SNED1: variants seen among roughly 807,000 people sequenced by gnomAD.
SNED1 encodes sushi, nidogen and EGF-like domain-containing protein 1.
In SNED1, 81 loss-of-function variants were observed where a neutral mutation model predicts 166.7. That is an observed-to-expected ratio of 0.49 (90% CI 0.41 to 0.58). The LOEUF (loss-of-function observed/expected upper bound fraction) is 0.58. Among genes scored for constraint, SNED1 ranks in the 20% least tolerant of loss-of-function variants. SNED1 has a pLI of 0.00. For missense variants in SNED1, 1,604 were observed against 2,000.2 expected (o/e 0.80, Z 3.78); for synonymous variants, 762 against 822.0 (o/e 0.93, Z 1.25).
intron 16 of SNED1, among the ~76,000 whole-genome samples, chr2:241,060,926 T>C (rs1238699908): frequency 6.6e-6 from 1 of 150,642 alleles, no homozygotes; most frequent in East Asian, 2.0e-4. Flanking sequence ...TGAGACCCTG[T>C]CTCAAAAAAA....
intron 27 of SNED1, among the ~76,000 whole-genome samples, chr2:241,078,139 C>CTT (rs1352374274): frequency 6.6e-6 from 1 of 152,090 alleles, no homozygotes; most frequent in Non-Finnish European, 1.5e-5. Context: ...AATCCCAGCA[C>CTT]TTTGGGAGGC....
rs1277954907 is a variant in SNED1, at chr2:241,028,985, A to C, written c.214-1299A>C. On this transcript the variant is annotated intron_variant, in intron 1 of 31. Coordinates refer to ENST00000310397, the MANE Select transcript of SNED1 (RefSeq NM_001080437.3). ...CTAAGATGATGCCATCTTCCTCCAG[A>C]GAGGGTTTTCCTTTGCCTCTGTGTA... Among the ~76,000 whole-genome samples, 3 of 152,146 alleles carry C rather than the reference A, an allele frequency of 2.0e-5. No individual in the cohort carries two copies. In the East Asian group the frequency reaches 5.8e-4, roughly 29 times the overall value.
intron 6 of SNED1, among the ~76,000 whole-genome samples, chr2:241,038,044 T>G (rs750867524): frequency 2.0e-5 from 3 of 150,746 alleles, no homozygotes. Flanking sequence ...CCCATGCCCT[T>G]CACCCACCTG....
chr2:241,053,267 C>A lies in SNED1; in HGVS notation c.2198C>A (p.Pro733His). The change falls in exon 16 of 32, where the codon CCC becomes CAC. Residue 733 changes from proline to histidine, a missense_variant. Transcript: ENST00000310397. ...ACDRGYSLSA[P>H]SRIRVCQPHG... ...GACCGTGGCTACAGCCTGAGCGCCC[C>A]CAGCCGCATCCGGGTCTGCCAGCCA... 1 of 1,603,558 alleles carries A rather than the reference C, an allele frequency of 6.2e-7. No homozygotes were observed.
intron 1 of SNED1, among the ~76,000 whole-genome samples, chr2:241,022,744 G>A (rs888331064): frequency 2.6e-5 from 4 of 152,146 alleles, no homozygotes; most frequent in Non-Finnish European, 5.9e-5. Context: ...TCATTATTCT[G>A]TCATGCTAAC....
chr2:241,069,801 T>C lies in SNED1; in HGVS notation c.3308-119T>C. The C allele has an allele frequency of 9.3e-6, 11 of 1,182,178 alleles. No individual in the cohort carries two copies. The highest frequency in any genetic ancestry group is 1.3e-5 in the Non-Finnish European group (11 of 839,840). The allele number at this position is 1,182,178 out of a possible 1,614,324, so 73.2% of individuals were successfully genotyped here. A position where few individuals can be genotyped will look rare whatever the true frequency, so the allele number is the denominator to read the frequency against. On this transcript the variant is annotated intron_variant, in intron 23 of 31. Coordinates refer to ENST00000310397, the MANE Select transcript of SNED1 (RefSeq NM_001080437.3). The surrounding 1 kb of genome is among the most constrained non-coding windows in gnomAD (Gnocchi z 4.9). ...CGCCTCGGCACTGTACCATTCTCCATAATAAAGAATCTGGCTTCCAGCAAG... is the reference window on the plus strand; with the variant it reads ...CGCCTCGGCACTGTACCATTCTCCACAATAAAGAATCTGGCTTCCAGCAAG...
At chr2:241,020,474 A>ACTGGAC (rs1320625708) in intron 1 of SNED1, among the ~76,000 whole-genome samples, 1 of 152,220 alleles carries the variant, frequency 6.6e-6, no homozygotes, top group African/African-American at 2.4e-5. Flanking sequence ...CACGTCAGGC[A>ACTGGAC]CTGGACCGGA....
intron 31 of SNED1, chr2:241,090,577 T>G: frequency 9.3e-7 from 1 of 1,072,164 alleles, no homozygotes; most frequent in South Asian, 2.8e-5. Context: ...AGTAGGTTTG[T>G]ATACACCAGC....
rs6708514 is a variant in SNED1, at chr2:241,082,463, C to T, written c.4121+99C>T. Reference sequence around the variant, plus strand: ...CTACCCAGCTAACCCTGAGGAGGGACGATGGCTGCAGTCACAGAAGGGACT... The same window carrying T: ...CTACCCAGCTAACCCTGAGGAGGGATGATGGCTGCAGTCACAGAAGGGACT... On this transcript the variant is annotated intron_variant, in intron 29 of 31. Coordinates refer to ENST00000310397, the MANE Select transcript of SNED1 (RefSeq NM_001080437.3). 10,500 of 827,760 alleles carry T rather than the reference C, an allele frequency of 0.013. 696 individuals carry two copies. In the African/African-American group the frequency reaches 0.15, roughly 12 times the overall value. 51.3% of individuals were successfully genotyped at this position (827,760 alleles called of 1,614,324 possible).
chr2:241,065,257 G>A (rs1223211186), intron 20 of SNED1, 42 bp from the exon 21 acceptor site: 27 of 1,606,038 alleles, frequency 1.7e-5, no homozygotes, highest in Non-Finnish European at 2.2e-5. Context: ...ATAGCTAACG[G>A]CTGACCAGTC....
chr2:241,063,353 G>C (rs1447057356), intron 17 of SNED1: 2 of 568,366 alleles, frequency 3.5e-6, no homozygotes, highest in South Asian at 1.9e-5. Flanking sequence ...TTGCGGAGTG[G>C]CCTGGAGGAA....
At chr2:241,040,675 C>T (rs2061498869) in intron 8 of SNED1, among the ~76,000 whole-genome samples, 1 of 152,168 alleles carries the variant, frequency 6.6e-6, no homozygotes, top group South Asian at 2.1e-4. Flanking sequence ...CAACCCCTTC[C>T]CCTCTCTGGG....
At chr2:241,032,137 G>A (rs1167634234) in intron 2 of SNED1, among the ~76,000 whole-genome samples, 1 of 152,138 alleles carries the variant, frequency 6.6e-6, no homozygotes, top group Non-Finnish European at 1.5e-5. Flanking sequence ...ATCACCTGAG[G>A]TCAGGAGTTT....
intron 8 of SNED1, 77 bp downstream of exon 8, chr2:241,040,490 C>T: frequency 1.1e-6 from 1 of 894,968 alleles, no homozygotes. Context: ...GCCACTTTCC[C>T]CTTCCTTCCT....
At chr2:241,084,183 C>G (rs2063470122) in intron 29 of SNED1, among the ~76,000 whole-genome samples, 1 of 148,310 alleles carries the variant, frequency 6.7e-6, no homozygotes, top group African/African-American at 2.5e-5. Flanking sequence ...GTCCCCCAGG[C>G]TGGAGTGCGA....
At position 241,064,967 on chromosome 2, in the gene SNED1, G is replaced by A. The variant is rs767509021; in HGVS notation, c.2713+10G>A. 7 of 1,561,270 alleles carry A rather than the reference G, an allele frequency of 4.5e-6. No individual in the cohort carries two copies. Among genetic ancestry groups the A allele is most frequent in the South Asian group, 2.4e-5 (2 of 84,218 alleles). On this transcript the variant is annotated intron_variant, in intron 20 of 31. Coordinates refer to ENST00000310397, the MANE Select transcript of SNED1 (RefSeq NM_001080437.3). This position sits in a 1 kb window ranked among gnomAD's most constrained non-coding sequence, Gnocchi z 7.0. ...GAGGACTGCGCCAAAGGTGGGTGGC[G>A]AGGGCGCCTCCAGTGAGGGAGCCAC...
intron 18 of SNED1, 94 bp downstream of exon 18, chr2:241,063,794 G>A: frequency 1.0e-6 from 1 of 991,128 alleles, no homozygotes; most frequent in Non-Finnish European, 1.5e-6. Flanking sequence ...CTGCTGGGCA[G>A]GCCACCTGGG....
chr2:240,997,818 T>C (rs1428230199), upstream of SNED1, among the ~76,000 whole-genome samples: 1 of 152,140 alleles, frequency 6.6e-6, no homozygotes, highest in African/African-American at 2.4e-5. Flanking sequence ...GACCCTGCCA[T>C]GGGCCTGGGG....
In SNED1 at chr2:241,048,667, C is replaced by T; in HGVS notation, c.1405C>T (p.Pro469Ser). ...FMGLDCRERV[P>S]DDCECRNGGR... is the part of the protein sequence containing the mutation. ...CCTCCCTCTCTTCGTGGCAGGAGTC[C>T]CCGATGACTGTGAGTGCCGCAACGG... The change falls in exon 10 of 32, where the codon CCC (proline) becomes TCC (serine). Residue 469 changes from proline to serine, a missense_variant. Physicochemically the swap from Pro to Ser is moderately conservative, Grantham distance 74. Transcript: ENST00000310397. The T allele has an allele frequency of 6.2e-7, 1 of 1,609,356 alleles. No individual in the cohort carries two copies. The highest frequency in any genetic ancestry group is 2.2e-5 in the East Asian group (1 of 44,708).
Sources: allele counts gnomAD v4.1 joint callset (sites outside exome capture counted in the v4.1 genomes callset), GRCh38; gene constraint gnomAD v4.1.1; non-coding constraint Gnocchi (gnomAD v3.1); transcripts MANE v1.5; gene names NCBI Gene and HGNC (gene_info 2026-07-23, HGNC 2026-07-21).